The following HEMK2 variants were observed in gnomAD, a reference collection of about 807,000 sequenced individuals.
HEMK2 encodes the protein HemK methyltransferase 2, ETF1 glutamine and histone H4 lysine.
the HEMK2 span, among the ~76,000 whole-genome samples, chr21:28,840,871 T>C: frequency 6.7e-6 from 1 of 148,324 alleles, no homozygotes; most frequent in Non-Finnish European, 1.5e-5. Flanking sequence ...GGAAAAGAAG[T>C]CATTATTCAA....
chr21:28,627,131 A>G, the HEMK2 span, among the ~76,000 whole-genome samples: 309 of 152,316 alleles, frequency 2.0e-3, 1 homozygote, highest in African/African-American at 6.9e-3. Flanking sequence ...AAAGAAGCCA[A>G]CCACAAAAGA....
the HEMK2 span, among the ~76,000 whole-genome samples, chr21:28,815,022 C>T: frequency 6.6e-6 from 1 of 152,064 alleles, no homozygotes. Context: ...AAATGTGGCA[C>T]ATATACACCA....
the HEMK2 span, among the ~76,000 whole-genome samples, chr21:28,852,247 C>T: frequency 6.6e-6 from 1 of 152,158 alleles, no homozygotes; most frequent in Non-Finnish European, 1.5e-5. Context: ...ACCATAATAG[C>T]CCTCACCCTA....
chr21:28,742,141 G>A, the HEMK2 span, among the ~76,000 whole-genome samples: 4 of 152,122 alleles, frequency 2.6e-5, no homozygotes, highest in Admixed American at 2.6e-4. Context: ...TGCTTTCAGG[G>A]TAAAATGGCA....
chr21:28,850,835 C>T, the HEMK2 span, among the ~76,000 whole-genome samples: 1 of 152,242 alleles, frequency 6.6e-6, no homozygotes, highest in African/African-American at 2.4e-5. Flanking sequence ...GTCTTCTCTT[C>T]CTCTATCGAT....
the HEMK2 span, among the ~76,000 whole-genome samples, chr21:28,847,787 G>A: frequency 2.6e-5 from 4 of 152,132 alleles, no homozygotes; most frequent in Non-Finnish European, 5.9e-5. Context: ...ACCTTGACTT[G>A]ATTTTTGTGT....
the HEMK2 span, among the ~76,000 whole-genome samples, chr21:28,877,401 G>GAA: frequency 2.1e-5 from 1 of 47,042 alleles, no homozygotes; most frequent in Non-Finnish European, 5.2e-5. Flanking sequence ...AGGAAGGGAA[G>GAA]AAAAAAAAGA....
chr21:28,833,353 G>A, the HEMK2 span, among the ~76,000 whole-genome samples: 1 of 152,216 alleles, frequency 6.6e-6, no homozygotes, highest in East Asian at 1.9e-4. Context: ...CCAAGTGGCA[G>A]GTGACATCAC....
At chr21:28,783,273 C>T in the HEMK2 span, among the ~76,000 whole-genome samples, 2,573 of 152,158 alleles carry the variant, frequency 0.017, 64 homozygotes, top group African/African-American at 0.059. Flanking sequence ...CAACCTCTGC[C>T]TCCTGGGTTC....
the HEMK2 span, among the ~76,000 whole-genome samples, chr21:28,633,015 C>T: frequency 6.6e-6 from 1 of 152,198 alleles, no homozygotes; most frequent in African/African-American, 2.4e-5. Flanking sequence ...CCTAGCATTA[C>T]TGCCACTTGA....
the HEMK2 span, among the ~76,000 whole-genome samples, chr21:28,716,028 GT>G: frequency 3.3e-5 from 5 of 152,152 alleles, no homozygotes; most frequent in African/African-American, 1.2e-4. Context: ...GTACCATGCT[GT>G]TTTGGTTACC....
At chr21:28,713,991 T>C in the HEMK2 span, among the ~76,000 whole-genome samples, 2 of 152,204 alleles carry the variant, frequency 1.3e-5, no homozygotes, top group African/African-American at 4.8e-5. Flanking sequence ...GACCTGGAAT[T>C]TGTCCATGAG....
At chr21:28,643,446 G>C in the HEMK2 span, among the ~76,000 whole-genome samples, 1 of 143,818 alleles carries the variant, frequency 7.0e-6, no homozygotes, top group Non-Finnish European at 1.5e-5. Context: ...AAGAGACTGA[G>C]GGGGGAGGAT....
chr21:28,674,092 C>T, the HEMK2 span, among the ~76,000 whole-genome samples: 2 of 152,078 alleles, frequency 1.3e-5, no homozygotes, highest in Admixed American at 6.5e-5. Context: ...GTAAAGAAGC[C>T]GGCCAAAACC....
At chr21:28,767,680 T>C in the HEMK2 span, among the ~76,000 whole-genome samples, 1 of 152,116 alleles carries the variant, frequency 6.6e-6, no homozygotes, top group East Asian at 1.9e-4. Context: ...GAGGAGCATA[T>C]GAAACAGGTC....
chr21:28,591,310 G>C, the HEMK2 span, among the ~76,000 whole-genome samples: 1 of 152,172 alleles, frequency 6.6e-6, no homozygotes, highest in African/African-American at 2.4e-5. Context: ...CATGAAAAAT[G>C]CCATATATAT....
the HEMK2 span, among the ~76,000 whole-genome samples, chr21:28,617,466 A>G: frequency 2.0e-5 from 3 of 152,236 alleles, no homozygotes; most frequent in Non-Finnish European, 4.4e-5. Context: ...ACACCTCATA[A>G]GTACTTACTG....
At chr21:28,810,516 G>C in the HEMK2 span, among the ~76,000 whole-genome samples, 3 of 152,126 alleles carry the variant, frequency 2.0e-5, no homozygotes, top group African/African-American at 7.2e-5. Flanking sequence ...AAAGATCAGA[G>C]GCCCTCCTTT....
chr21:28,885,362 C>G, the HEMK2 span: 1 of 1,535,622 alleles, frequency 6.5e-7, no homozygotes, highest in Non-Finnish European at 8.8e-7. Context: ...TCGCTGCGTT[C>G]CATGCGCGTG....
Sources: allele counts gnomAD v4.1 joint callset (sites outside exome capture counted in the v4.1 genomes callset), GRCh38; gene constraint gnomAD v4.1.1; transcripts MANE v1.5; gene names NCBI Gene and HGNC (gene_info 2026-07-23, HGNC 2026-07-21).